Variants in FBXL7 observed in about 807,000 individuals in gnomAD.
FBXL7 encodes F-box and leucine rich repeat protein 7.
A neutral mutation model predicts 38.3 loss-of-function variants in FBXL7; 12 were observed. The observed-to-expected ratio is 0.31, with a 90% CI of 0.20 to 0.51. The LOEUF (loss-of-function observed/expected upper bound fraction) is 0.51. Ranked by LOEUF, FBXL7 falls within the 20% of genes least tolerant of loss-of-function variation. The pLI is 0.98. For synonymous variants in FBXL7, 297 were observed against 300.9 expected (o/e 0.99, Z 0.13); for missense variants, 567 against 676.4 (o/e 0.84, Z 1.79).
At chr5:15,545,389 A>T (rs1296227400) in intron 1 of FBXL7, among the ~76,000 whole-genome samples, 1 of 152,212 alleles carries the variant, frequency 6.6e-6, no homozygotes, top group Non-Finnish European at 1.5e-5. Context: ...CAATGGAGTA[A>T]TGAGACTGAA....
intron 1 of FBXL7, among the ~76,000 whole-genome samples, chr5:15,586,450 CAT>C (rs1373839234): frequency 6.6e-6 from 1 of 151,878 alleles, no homozygotes; most frequent in Non-Finnish European, 1.5e-5. Flanking sequence ...GGAATGGAAA[CAT>C]ATAACTTTCA....
intron 2 of FBXL7, among the ~76,000 whole-genome samples, chr5:15,853,914 C>G (rs1027749934): frequency 1.3e-5 from 2 of 152,192 alleles, no homozygotes; most frequent in Non-Finnish European, 2.9e-5. Context: ...TGGCTATCTT[C>G]TTGAATGACA....
At chr5:15,819,392 G>A (rs1001032060) in intron 2 of FBXL7, among the ~76,000 whole-genome samples, 2 of 152,026 alleles carry the variant, frequency 1.3e-5, no homozygotes, top group African/African-American at 4.8e-5. Flanking sequence ...TACTGTGAGC[G>A]AAGGCCAAAC....
At chr5:15,689,936 G>A (rs1013070641) in intron 2 of FBXL7, among the ~76,000 whole-genome samples, 1 of 152,172 alleles carries the variant, frequency 6.6e-6, no homozygotes, top group African/African-American at 2.4e-5. Context: ...ATGTTTTGCA[G>A]CATCTTTGGC....
At chr5:15,626,254 C>T (rs1740813667) in intron 2 of FBXL7, among the ~76,000 whole-genome samples, 1 of 152,068 alleles carries the variant, frequency 6.6e-6, no homozygotes, top group Admixed American at 6.6e-5. Context: ...AGTTAGGTAA[C>T]TTTTGAAAAA....
At chr5:15,870,734 G>A (rs1386926680) in intron 2 of FBXL7, among the ~76,000 whole-genome samples, 1 of 152,170 alleles carries the variant, frequency 6.6e-6, no homozygotes, top group Non-Finnish European at 1.5e-5. Flanking sequence ...GTGCCACAGA[G>A]CCACTATAGC....
intron 2 of FBXL7, among the ~76,000 whole-genome samples, chr5:15,861,242 A>G (rs1207156716): frequency 6.6e-6 from 1 of 152,206 alleles, no homozygotes; most frequent in East Asian, 1.9e-4. Flanking sequence ...TGGCTGCCTC[A>G]CAGACCACAT....
chr5:15,720,338 T>G (rs1744160149), intron 2 of FBXL7, among the ~76,000 whole-genome samples: 1 of 148,366 alleles, frequency 6.7e-6, no homozygotes, highest in Non-Finnish European at 1.5e-5. Flanking sequence ...GAGGGTAAAT[T>G]ATACAACCAA....
At chr5:15,911,507 A>C (rs1356896122) in intron 2 of FBXL7, among the ~76,000 whole-genome samples, 1 of 136,238 alleles carries the variant, frequency 7.3e-6, no homozygotes, top group Admixed American at 6.9e-5. Flanking sequence ...GATCGTCTGA[A>C]GCCTTCTTCT....
At chr5:15,732,235 C>A (rs539690733) in intron 2 of FBXL7, among the ~76,000 whole-genome samples, 5 of 152,202 alleles carry the variant, frequency 3.3e-5, no homozygotes, top group Non-Finnish European at 2.9e-5. Flanking sequence ...AATTACTGTT[C>A]TTTATAATGA....
chr5:15,561,596 C>T (rs909808355), intron 1 of FBXL7, among the ~76,000 whole-genome samples: 1 of 152,074 alleles, frequency 6.6e-6, no homozygotes, highest in African/African-American at 2.4e-5. Context: ...ACTACTGTGT[C>T]ATGTAGTAGT....
At chr5:15,734,114 CAAAA>C (rs370211850) in intron 2 of FBXL7, among the ~76,000 whole-genome samples, 1,630 of 139,436 alleles carry the variant, frequency 0.012, 23 homozygotes, top group African/African-American at 0.028. Flanking sequence ...GACTGGGTCT[CAAAA>C]AAAAAAAAAA....
intron 1 of FBXL7, among the ~76,000 whole-genome samples, chr5:15,509,499 C>A (rs972076543): frequency 6.6e-6 from 1 of 152,116 alleles, no homozygotes; most frequent in Admixed American, 6.5e-5. Context: ...GTGGGAAGTG[C>A]GCCTAAGAAT....
chr5:15,602,010 A>G (rs1409357551), intron 1 of FBXL7, among the ~76,000 whole-genome samples: 1 of 152,156 alleles, frequency 6.6e-6, no homozygotes, highest in African/African-American at 2.4e-5. Flanking sequence ...CAGAGGGAAG[A>G]CAGCCATGTG....
At chr5:15,736,183 G>A (rs1390783284) in intron 2 of FBXL7, among the ~76,000 whole-genome samples, 1 of 152,094 alleles carries the variant, frequency 6.6e-6, no homozygotes, top group Non-Finnish European at 1.5e-5. Flanking sequence ...TTTTTCTTGA[G>A]CTCTAAAGCT....
At chr5:15,702,465 C>A (rs1424822639) in intron 2 of FBXL7, among the ~76,000 whole-genome samples, 3 of 152,114 alleles carry the variant, frequency 2.0e-5, no homozygotes, top group African/African-American at 2.4e-5. Context: ...ACTACAGGAG[C>A]CACGCGGTAT....
intron 1 of FBXL7, among the ~76,000 whole-genome samples, chr5:15,542,652 A>G (rs192236452): frequency 6.6e-6 from 1 of 152,318 alleles, no homozygotes; most frequent in African/African-American, 2.4e-5. Flanking sequence ...CATTCCCTAA[A>G]TCACAAATGA....
chr5:15,795,542 A>G (rs1737393388), intron 2 of FBXL7, among the ~76,000 whole-genome samples: 1 of 152,206 alleles, frequency 6.6e-6, no homozygotes, highest in African/African-American at 2.4e-5. Context: ...TTAATGAGGT[A>G]AACTTGCAAA....
At position 15,663,949 on chromosome 5, in the gene FBXL7, T is replaced by C. The variant is rs1453769814; in HGVS notation, c.127+47877T>C. Among the ~76,000 whole-genome samples the C allele has an allele frequency of 3.9e-5, 6 of 152,276 alleles. No individual in the cohort carries two copies. In the East Asian group the frequency reaches 9.6e-4, roughly 24 times the overall value. On this transcript the variant is annotated intron_variant, in intron 2 of 3. Coordinates refer to ENST00000504595, the MANE Select transcript of FBXL7 (RefSeq NM_012304.5). ...AATTGGGGTGTTTGTACCATTTACA[T>C]CTATTGTAATTGTTGATATGGTTGT...
Sources: gnomAD v4.1 joint callset for allele counts (sites outside exome capture counted in the v4.1 genomes callset) on GRCh38, gnomAD v4.1.1 for gene constraint, MANE v1.5 for transcripts, NCBI Gene and HGNC (gene_info 2026-07-23, HGNC 2026-07-21) for gene names.